Variants in WDR88 observed in about 807,000 individuals in gnomAD.
WDR88 encodes WD repeat-containing protein 88.
Under a neutral mutation model 46.8 loss-of-function variants are expected in WDR88, and 40 were observed. The observed-to-expected ratio is 0.86, with a 90% CI of 0.66 to 1.11. WDR88 has a LOEUF of 1.11. Among genes scored for constraint, WDR88 ranks in the 50% most tolerant of loss-of-function variants. The probability of loss-of-function intolerance (pLI) is 0.00; values close to 1 mark genes in which losing one functional copy is unlikely to be tolerated. For missense variants in WDR88, 562 were observed against 602.4 expected (o/e 0.93, Z 0.70); for synonymous variants, 235 against 240.7 (o/e 0.98, Z 0.22).
chr19:33,143,893 T>G (rs1973454181), intron 2 of WDR88, among the ~76,000 whole-genome samples: 1 of 152,156 alleles, frequency 6.6e-6, no homozygotes, highest in Non-Finnish European at 1.5e-5. Flanking sequence ...CGCCAAATAT[T>G]GTCACATCTC....
chr19:33,151,703 G>A (rs938746858), intron 6 of WDR88, among the ~76,000 whole-genome samples: 2 of 151,772 alleles, frequency 1.3e-5, no homozygotes, highest in African/African-American at 4.8e-5. Context: ...AATGTCACAA[G>A]ACCCCATCTC....
chr19:33,174,416 G>A, intron 10 of WDR88: 16 of 1,391,118 alleles, frequency 1.2e-5, no homozygotes, highest in Non-Finnish European at 1.3e-5. Flanking sequence ...TTCTCCAGGG[G>A]ACCATGCATG....
chr19:33,174,234 G>A, intron 10 of WDR88: 1 of 1,536,482 alleles, frequency 6.5e-7, no homozygotes, highest in Non-Finnish European at 8.7e-7. Flanking sequence ...TGCTGCATTT[G>A]ACTTGCTCTG....
intron 9 of WDR88, 83 bp downstream of exon 9, chr19:33,164,348 C>G (rs1973919814): frequency 7.3e-7 from 1 of 1,374,822 alleles, no homozygotes; most frequent in Non-Finnish European, 1.0e-6. Flanking sequence ...TATAAAATTC[C>G]TGGGTGGGTT....
rs764286853 is a variant in WDR88 at position 33,132,144 on chromosome 19, C to T, written c.-26C>T. On this transcript the variant is annotated 5_prime_UTR_variant, in exon 1 of 11. Transcript: ENST00000355868. ...CACCGTTCCCATCCAGGCTTGTCGG[C>T]GGCCACCGGCGGACCGGGCTTCGAG... 7 of 1,558,526 alleles carry T rather than the reference C, an allele frequency of 4.5e-6. No individual in the cohort carries two copies. Among genetic ancestry groups the T allele is most frequent in the Admixed American group, 1.8e-5 (1 of 56,476 alleles).
intron 7 of WDR88, among the ~76,000 whole-genome samples, chr19:33,159,027 G>C (rs1002240354): frequency 6.6e-6 from 1 of 151,944 alleles, no homozygotes; most frequent in African/African-American, 2.4e-5. Flanking sequence ...TAGTGATTTT[G>C]CTGTGTAAAA....
intron 10 of WDR88, among the ~76,000 whole-genome samples, chr19:33,173,874 G>A (rs1333025909): frequency 2.0e-5 from 3 of 152,060 alleles, no homozygotes; most frequent in African/African-American, 7.2e-5. Context: ...TTTTTGAGAT[G>A]GAGTCTCGCT....
At position 33,132,286 on chromosome 19, in the gene WDR88, G is replaced by C; in HGVS notation, c.117G>C (p.Ala39=). ...CPGKLSWGTM[A]RALGRFKLSI... ...GCAAGCTGTCCTGGGGGACCATGGC[G>C]AGGGCCTTAGGCCGCTTCAAGCTGT... Residue 39 remains alanine (A), a synonymous_variant, in exon 1 of 11, where the codon GCG becomes GCC. Transcript: ENST00000355868. 6.2e-7 allele frequency: 1 copy of C among 1,613,588 alleles called. No homozygotes were observed. The highest frequency in any genetic ancestry group is 8.5e-7 in the Non-Finnish European group (1 of 1,179,992).
At chr19:33,143,568 C>T (rs1973446721) in intron 2 of WDR88, among the ~76,000 whole-genome samples, 1 of 150,712 alleles carries the variant, frequency 6.6e-6, no homozygotes, top group Non-Finnish European at 1.5e-5. Flanking sequence ...GGCTTTGGCC[C>T]AGGAGGCCAA....
At chr19:33,173,630 G>A (rs1421923177) in intron 10 of WDR88, among the ~76,000 whole-genome samples, 1 of 152,236 alleles carries the variant, frequency 6.6e-6, no homozygotes, top group Non-Finnish European at 1.5e-5. Context: ...CGCACTGCAA[G>A]GCAGTTGTGT....
intron 9 of WDR88, 111 bp downstream of exon 9, chr19:33,164,376 C>G: frequency 2.1e-6 from 2 of 964,668 alleles, no homozygotes; most frequent in Middle Eastern, 2.1e-4. Context: ...CTGTACCTGA[C>G]CGGGCCATCG....
chr19:33,151,262 T>A lies in WDR88; in HGVS notation c.761T>A (p.Ile254Asn), dbSNP rs1048996124. ...GCTTCTGTCTCATTGGACAGGTGCA[T>A]CAAGATCTGGGATGTTACATCCCAG... is the stretch of plus-strand genomic sequence containing the variant. ...RVASVSLDRC[I>N]KIWDVTSQAT... The change falls in exon 6 of 11, where the codon ATC becomes AAC. Residue 254 changes from isoleucine to asparagine, a missense_variant. By Grantham distance (149) the Ile-to-Asn change is moderately radical. Transcript: ENST00000355868. 3 of 1,613,574 alleles carry A rather than the reference T, an allele frequency of 1.9e-6. No individual in the cohort carries two copies. Among genetic ancestry groups the A allele is most frequent in the African/African-American group, 2.7e-5 (2 of 74,918 alleles).
At position 33,132,185 on chromosome 19, in the gene WDR88, C is replaced by T. The variant is rs1203946416; in HGVS notation, c.16C>T (p.Arg6Trp). Reference sequence around the variant, plus strand: ...GGGCTTCGAGATGGCCTCCCCGCCGCGGTGCTCCCCGACAGCCCATGACAG... The same window carrying T: ...GGGCTTCGAGATGGCCTCCCCGCCGTGGTGCTCCCCGACAGCCCATGACAG... The part of the protein sequence containing the change: MASPP[R>W]CSPTAHDREC... Residue 6 changes from arginine to tryptophan, a missense_variant, in exon 1 of 11, where the codon CGG (arginine) becomes TGG (tryptophan). Coordinates refer to ENST00000355868, the MANE Select transcript of WDR88 (RefSeq NM_173479.4). 5 of 1,597,350 alleles carry T rather than the reference C, an allele frequency of 3.1e-6. No homozygotes were observed. Among genetic ancestry groups the T allele is most frequent in the Non-Finnish European group, 4.3e-6 (5 of 1,174,302 alleles).
intron 10 of WDR88, chr19:33,174,189 AAG>A: frequency 1.3e-6 from 2 of 1,536,384 alleles, no homozygotes; most frequent in African/African-American, 1.4e-5. Context: ...AAGGAAAAGA[AAG>A]AGGCCTACCT....
In WDR88 at chr19:33,132,195, C is replaced by G; in HGVS notation, c.26C>G (p.Pro9Arg). 6.2e-7 allele frequency: 1 copy of G among 1,603,134 alleles called. No homozygotes were observed. Among genetic ancestry groups the G allele is most frequent in the Non-Finnish European group, 8.5e-7 (1 of 1,177,298 alleles). The change falls in exon 1 of 11, where the codon CCG (proline) becomes CGG (arginine). Residue 9 changes from proline (P) to arginine (R), a missense_variant. By Grantham distance (103) the Pro-to-Arg change is moderately radical (BLOSUM62 -2). Coordinates refer to ENST00000355868, the MANE Select transcript of WDR88 (RefSeq NM_173479.4). MASPPRCS[P>R]TAHDRECKLP... is the part of the protein sequence containing the mutation. ...ATGGCCTCCCCGCCGCGGTGCTCCC[C>G]GACAGCCCATGACAGGGAATGCAAG...
chr19:33,166,466 C>G (rs1446807531), intron 9 of WDR88, among the ~76,000 whole-genome samples: 1 of 151,668 alleles, frequency 6.6e-6, no homozygotes, highest in African/African-American at 2.4e-5. Flanking sequence ...CCTATATTCT[C>G]AGTTACTCCA....
chr19:33,159,916 T>A (rs1973835242), intron 7 of WDR88, among the ~76,000 whole-genome samples: 1 of 151,362 alleles, frequency 6.6e-6, no homozygotes, highest in Non-Finnish European at 1.5e-5. Flanking sequence ...AACTAGATGG[T>A]CCCATCTGGG....
intron 1 of WDR88, among the ~76,000 whole-genome samples, chr19:33,137,336 C>T (rs1331192072): frequency 1.3e-5 from 2 of 151,542 alleles, no homozygotes; most frequent in Non-Finnish European, 2.9e-5. Flanking sequence ...TCACTGCAAC[C>T]TCCGCCTCCT....
chr19:33,149,817 G>T (rs1973596904), intron 5 of WDR88, among the ~76,000 whole-genome samples: 3 of 151,806 alleles, frequency 2.0e-5, no homozygotes, highest in Admixed American at 6.6e-5. Flanking sequence ...CCACCACCAC[G>T]CCCAGCTAAT....
Sources: allele counts gnomAD v4.1 joint callset (sites outside exome capture counted in the v4.1 genomes callset), GRCh38; gene constraint gnomAD v4.1.1; transcripts MANE v1.5; gene names NCBI Gene and HGNC (gene_info 2026-07-23, HGNC 2026-07-21).